The following PTPRA variants were observed in gnomAD, a reference collection of about 807,000 sequenced individuals.
PTPRA encodes receptor-type tyrosine-protein phosphatase alpha.
Under a neutral mutation model 104.8 loss-of-function variants are expected in PTPRA, and 25 were observed. The ratio of observed to expected loss-of-function variants is 0.24; its 90% CI spans 0.17 to 0.33. The LOEUF (loss-of-function observed/expected upper bound fraction) is 0.33, where lower values mean the gene tolerates loss of function less well. Ranked by LOEUF, PTPRA falls within the 10% of genes least tolerant of loss-of-function variation. PTPRA has a pLI of 1.00. For synonymous variants in PTPRA, 323 were observed against 368.9 expected, an observed-to-expected ratio of 0.88 and a Z score of 1.43; for missense variants, 765 against 1,015.3, an observed-to-expected ratio of 0.75 and a Z score of 3.35.
intron 11 of PTPRA, among the ~76,000 whole-genome samples, chr20:3,014,943 A>G (rs1026779985): frequency 6.6e-6 from 1 of 152,226 alleles, no homozygotes; most frequent in African/African-American, 2.4e-5. Context: ...AGCTGCGGCC[A>G]GTTGTTAGTT....
chr20:3,003,700 ATTTTT>A (rs59358849), intron 9 of PTPRA, among the ~76,000 whole-genome samples: 2 of 105,544 alleles, frequency 1.9e-5, no homozygotes, highest in African/African-American at 3.6e-5. Flanking sequence ...ATACCTGGCT[ATTTTT>A]TTTTTTTTTT....
chr20:2,967,854 A>G (rs1413883775), intron 5 of PTPRA, among the ~76,000 whole-genome samples: 4 of 152,202 alleles, frequency 2.6e-5, no homozygotes, highest in Admixed American at 2.6e-4. Flanking sequence ...AAGCGAGACC[A>G]TGTCTCAAAA....
intron 9 of PTPRA, among the ~76,000 whole-genome samples, chr20:2,998,000 A>G (rs2063469150): frequency 6.6e-6 from 1 of 152,108 alleles, no homozygotes; most frequent in South Asian, 2.1e-4. Context: ...GTGATGGCAC[A>G]TGCCTGTAGT....
rs774787831 is a variant in PTPRA at position 3,015,880 on chromosome 20, C to T, written c.938C>T (p.Ala313Val). 4.5e-6 allele frequency: 7 copies of T among 1,566,994 alleles called. No homozygotes were observed. Among genetic ancestry groups the T allele is most frequent in the Non-Finnish European group, 6.2e-6 (7 of 1,137,754 alleles). Residue 313 changes from alanine to valine, a missense_variant, in exon 12 of 24, where the codon GCA becomes GTA. Transcript: ENST00000399903. ...CAAGAAAAGAACAAATTCATTGCTG[C>T]ACAAGGTAAAGTAATGACAACTTTT... is the stretch of plus-strand genomic sequence containing the variant. ...GYQEKNKFIA[A>V]QGPKEETVND...
Position 3,032,578 on chromosome 20 carries a change from C to T in PTPRA, c.1921-3007C>T, listed in dbSNP as rs182296415. 8.8e-3 allele frequency among the ~76,000 whole-genome samples: 1,341 copies of T among 151,660 alleles called. 13 individuals are homozygous for T. The highest frequency in any genetic ancestry group is 0.019 in the Admixed American group (294 of 15,234). Reference sequence around the variant, plus strand: ...GTCAGGAGATCGAGACCAGCCTGGCCAACATGGCAAAACCCCATCTCTACT... The same window carrying T: ...GTCAGGAGATCGAGACCAGCCTGGCTAACATGGCAAAACCCCATCTCTACT... On this transcript the variant is annotated intron_variant, in intron 20 of 23. Transcript: ENST00000399903.
At chr20:2,936,035 C>A (rs371663646) in intron 2 of PTPRA, among the ~76,000 whole-genome samples, 2 of 150,766 alleles carry the variant, frequency 1.3e-5, no homozygotes, top group African/African-American at 2.4e-5. Flanking sequence ...AAAAAAAAAT[C>A]GTTTGTAGAG....
Position 2,953,262 on chromosome 20 carries a change from A to AT in PTPRA, c.-7+5248dup, listed in dbSNP as rs1325570592. ...TTGGGGTTTTTTATTTTATTTATTT[A>AT]TTTTTTTTTTGAGGCAGAGTCTCAC... On this transcript the variant is annotated intron_variant, in intron 3 of 23. Coordinates refer to ENST00000399903, the MANE Select transcript of PTPRA (RefSeq NM_001385305.1). Among the ~76,000 whole-genome samples the AT allele has an allele frequency of 3.3e-3, 492 of 147,216 alleles. 2 individuals are homozygous for AT. The highest frequency in any genetic ancestry group is 0.01 in the African/African-American group (414 of 40,238).
intron 1 of PTPRA, among the ~76,000 whole-genome samples, chr20:2,912,501 G>A (rs537741669): frequency 2.0e-5 from 3 of 152,186 alleles, no homozygotes; most frequent in South Asian, 2.1e-4. Context: ...GCTCACGCCC[G>A]TAGTCCCAGC....
chr20:2,935,419 T>C (rs538524391), intron 2 of PTPRA, among the ~76,000 whole-genome samples: 1 of 152,354 alleles, frequency 6.6e-6, no homozygotes, highest in African/African-American at 2.4e-5. Flanking sequence ...CTTAGGTTGA[T>C]TTCATATCTT....
At chr20:2,998,084 T>C (rs528518224) in intron 9 of PTPRA, among the ~76,000 whole-genome samples, 1 of 151,004 alleles carries the variant, frequency 6.6e-6, no homozygotes, top group African/African-American at 2.4e-5. Context: ...TGAGCTATAG[T>C]GCTAACTTTA....
intron 17 of PTPRA, among the ~76,000 whole-genome samples, chr20:3,026,087 A>G (rs769001155): frequency 2.6e-5 from 4 of 151,656 alleles, no homozygotes; most frequent in Non-Finnish European, 4.4e-5. Flanking sequence ...CTGGGTCTAC[A>G]GGCACGTGCC....
intron 1 of PTPRA, among the ~76,000 whole-genome samples, chr20:2,882,425 G>A (rs2090113168): frequency 6.6e-6 from 1 of 151,654 alleles, no homozygotes; most frequent in Non-Finnish European, 1.5e-5. Flanking sequence ...AAGTAGCCAG[G>A]ACCACAGGCA....
At chr20:2,960,066 T>C (rs1416525894) in intron 3 of PTPRA, among the ~76,000 whole-genome samples, 1 of 152,226 alleles carries the variant, frequency 6.6e-6, no homozygotes, top group Non-Finnish European at 1.5e-5. Context: ...TTGCAATTGA[T>C]GGACCAACAT....
At chr20:2,869,192 C>G (rs1375097180), upstream of PTPRA, among the ~76,000 whole-genome samples, 1 of 152,238 alleles carries the variant, frequency 6.6e-6, no homozygotes, top group African/African-American at 2.4e-5. Context: ...TATCACACAT[C>G]TGTTCATCTA....
At chr20:2,984,210 C>CA (rs1257671489) in intron 6 of PTPRA, among the ~76,000 whole-genome samples, 4 of 151,624 alleles carry the variant, frequency 2.6e-5, no homozygotes, top group Non-Finnish European at 4.4e-5. Flanking sequence ...AAAACAAAAC[C>CA]AAAAAAAACC....
At chr20:2,907,150 A>C (rs2059455761) in intron 1 of PTPRA, among the ~76,000 whole-genome samples, 1 of 152,198 alleles carries the variant, frequency 6.6e-6, no homozygotes, top group East Asian at 1.9e-4. Flanking sequence ...CAACAGTTTA[A>C]GTTTCATATA....
chr20:2,880,956 C>T (rs1389771109), intron 1 of PTPRA, among the ~76,000 whole-genome samples: 1 of 151,634 alleles, frequency 6.6e-6, no homozygotes, highest in Non-Finnish European at 1.5e-5. Flanking sequence ...TGCATTGAGC[C>T]ATGATTGCAC....
chr20:2,963,750 G>C (rs935033935), intron 3 of PTPRA, among the ~76,000 whole-genome samples: 1 of 152,064 alleles, frequency 6.6e-6, no homozygotes, highest in African/African-American at 2.4e-5. Context: ...TCAAAATTTG[G>C]ATTAGGGACT....
rs151034895 is a variant in PTPRA at position 2,932,301 on chromosome 20, C to T, written c.-50+9016C>T. On this transcript the variant is annotated intron_variant, in intron 2 of 23. Transcript: ENST00000399903. ...TAAGGGAGAATGAAGGAATTAAGAT[C>T]ATAATGAGGTTGTTAAGTAGAGGTG... Among the ~76,000 whole-genome samples the T allele has an allele frequency of 5.1e-3, 776 of 152,140 alleles. 5 individuals are homozygous for T. The highest frequency in any genetic ancestry group is 0.018 in the African/African-American group (745 of 41,510).
Sources: gnomAD v4.1 joint callset for allele counts (sites outside exome capture counted in the v4.1 genomes callset) on GRCh38, gnomAD v4.1.1 for gene constraint, MANE v1.5 for transcripts, NCBI Gene and HGNC (gene_info 2026-07-23, HGNC 2026-07-21) for gene names.